Variants in GPATCH8 observed in about 807,000 individuals in gnomAD.
The protein encoded by GPATCH8 is G patch domain-containing protein 8.
A neutral mutation model predicts 118.3 loss-of-function variants in GPATCH8; 18 were observed. The observed-to-expected ratio is 0.15, with a 90% CI of 0.11 to 0.23. The LOEUF is 0.23. Among genes scored for constraint, GPATCH8 ranks in the 10% least tolerant of loss-of-function variants. The probability of loss-of-function intolerance (pLI) is 1.00; values close to 1 mark genes in which losing one functional copy is unlikely to be tolerated. For missense variants in GPATCH8, 1,631 were observed against 1,873.8 expected, an observed-to-expected ratio of 0.87 and a Z score of 2.39; for synonymous variants, 659 against 684.7, an observed-to-expected ratio of 0.96 and a Z score of 0.59.
intron 4 of GPATCH8, among the ~76,000 whole-genome samples, chr17:44,435,929 G>C (rs1273266951): frequency 1.3e-5 from 2 of 149,364 alleles, no homozygotes; most frequent in Non-Finnish European, 3.0e-5. Flanking sequence ...GGCTGAGACA[G>C]GAGACAGGAG....
chr17:44,396,595 C>G lies in GPATCH8; in HGVS notation c.*973G>C, dbSNP rs374419419. On this transcript the variant is annotated 3_prime_UTR_variant, in exon 8 of 8. Transcript: ENST00000591680. ...TTTATTTTTTGTTTTCATTTTATAA[C>G]CTTTAGAGTTTCTTAATTCAACTAG... 12 of 441,958 alleles carry G rather than the reference C, an allele frequency of 2.7e-5. No homozygotes were observed. The East Asian group carries it at 4.2e-4, about 15-fold the overall frequency. 27.4% of individuals were successfully genotyped at this position (441,958 alleles called of 1,614,324 possible).
chr17:44,491,018 C>T (rs758444744), intron 1 of GPATCH8, among the ~76,000 whole-genome samples: 1 of 152,140 alleles, frequency 6.6e-6, no homozygotes, highest in Non-Finnish European at 1.5e-5. Context: ...CAGCTGTATC[C>T]TTTATGTGAT....
At position 44,429,478 on chromosome 17, in the gene GPATCH8, T is replaced by C. The variant is rs79252478; in HGVS notation, c.349-4986A>G. Among the ~76,000 whole-genome samples, 1,700 of 152,200 alleles carry C rather than the reference T, an allele frequency of 0.011. 86 individuals carry two copies. In the East Asian group the frequency reaches 0.16, roughly 14 times the overall value. ...GGAGAAAATCTTGTGTGTATATATA[T>C]ATACAAGAAAACTGATTCCACTTAT... On this transcript the variant is annotated intron_variant, in intron 5 of 7. Coordinates refer to ENST00000591680, the MANE Select transcript of GPATCH8 (RefSeq NM_001002909.4).
intron 1 of GPATCH8, among the ~76,000 whole-genome samples, chr17:44,479,134 A>C (rs550184036): frequency 6.6e-6 from 1 of 152,256 alleles, no homozygotes; most frequent in Non-Finnish European, 1.5e-5. Context: ...ACTACCAAGT[A>C]AGTCTACAAA....
intron 3 of GPATCH8, among the ~76,000 whole-genome samples, chr17:44,441,461 T>C (rs1284472380): frequency 6.6e-6 from 1 of 151,992 alleles, no homozygotes; most frequent in African/African-American, 2.4e-5. Flanking sequence ...TGGTGGCTCA[T>C]GCCTGTAATC....
intron 1 of GPATCH8, among the ~76,000 whole-genome samples, chr17:44,490,548 T>A (rs1394195290): frequency 1.3e-5 from 2 of 152,076 alleles, no homozygotes; most frequent in African/African-American, 4.8e-5. Flanking sequence ...AATCAACACT[T>A]CCTTTCTGAA....
At chr17:44,459,656 T>G (rs1037492755) in intron 3 of GPATCH8, among the ~76,000 whole-genome samples, 6 of 152,066 alleles carry the variant, frequency 3.9e-5, no homozygotes, top group Non-Finnish European at 5.9e-5. Context: ...ATACTTAATT[T>G]AAGTATGAAA....
At position 44,397,663 on chromosome 17, in the gene GPATCH8, C is replaced by A; in HGVS notation, c.4414G>T (p.Ala1472Ser). 2 of 1,613,106 alleles carry A rather than the reference C, an allele frequency of 1.2e-6. No individual in the cohort carries two copies. Among genetic ancestry groups the A allele is most frequent in the South Asian group, 1.1e-5 (1 of 91,018 alleles). Residue 1472 changes from alanine (A) to serine (S), a missense_variant, in exon 8 of 8, where the codon GCT becomes TCT. Transcript: ENST00000591680. ...TGAAGTGCAGTGGCAGCTGCTGCAG[C>A]AGGCCGTGGAGCAAGTAGGGTGGGG... ...LYPTLLAPRP[A>S]AAAATALHLH...
rs1337383957 is a variant in GPATCH8, at chr17:44,396,012, T to A, written c.*1556A>T. 1 of 454,522 alleles carries A rather than the reference T, an allele frequency of 2.2e-6. No homozygotes were observed. The highest frequency in any genetic ancestry group is 4.4e-6 in the Non-Finnish European group (1 of 226,784). The allele number at this position is 454,522 out of a possible 1,614,324, so 28.2% of individuals were successfully genotyped here. A position where few individuals can be genotyped will look rare whatever the true frequency, so the allele number is the denominator to read the frequency against. ...AACAAGGAACGTTTACTGTCTAAAC[T>A]GAGCTGGGCAGAGGGCATGGAAACT... is the stretch of plus-strand genomic sequence containing the variant. On this transcript the variant is annotated 3_prime_UTR_variant, in exon 8 of 8. Coordinates refer to ENST00000591680, the MANE Select transcript of GPATCH8 (RefSeq NM_001002909.4).
At chr17:44,457,915 A>C (rs2051395874) in intron 3 of GPATCH8, among the ~76,000 whole-genome samples, 1 of 151,942 alleles carries the variant, frequency 6.6e-6, no homozygotes, top group Admixed American at 6.6e-5. Context: ...CCCCGTCTCT[A>C]CTAAAAAAAA....
intron 3 of GPATCH8, among the ~76,000 whole-genome samples, chr17:44,449,328 C>G (rs191207219): frequency 2.6e-4 from 40 of 152,166 alleles, no homozygotes; most frequent in Non-Finnish European, 4.4e-4. Flanking sequence ...TACCCCAGAC[C>G]TGCTGATTTA....
intron 1 of GPATCH8, among the ~76,000 whole-genome samples, chr17:44,494,409 T>C (rs139138030): frequency 8.7e-4 from 132 of 152,192 alleles, no homozygotes; most frequent in Middle Eastern, 3.4e-3. Context: ...CTGGCCAACA[T>C]AGTGAAACCC....
intron 6 of GPATCH8, among the ~76,000 whole-genome samples, chr17:44,422,198 T>C (rs1471209368): frequency 6.6e-6 from 1 of 152,192 alleles, no homozygotes; most frequent in Non-Finnish European, 1.5e-5. Flanking sequence ...TTTTGTTTTT[T>C]TGAGACAAGG....
intron 7 of GPATCH8, among the ~76,000 whole-genome samples, chr17:44,404,957 T>G (rs893970647): frequency 6.6e-6 from 1 of 152,146 alleles, no homozygotes; most frequent in African/African-American, 2.4e-5. Context: ...TACAGCTAAC[T>G]AGGAAGAGTA....
intron 3 of GPATCH8, among the ~76,000 whole-genome samples, chr17:44,456,418 A>C (rs764720389): frequency 1.3e-5 from 2 of 152,240 alleles, no homozygotes; most frequent in Non-Finnish European, 2.9e-5. Context: ...ACCAGGCCAG[A>C]AGTGAGTGCA....
intron 1 of GPATCH8, among the ~76,000 whole-genome samples, chr17:44,488,213 G>GT (rs1388947799): frequency 7.7e-6 from 1 of 129,190 alleles, no homozygotes; most frequent in Non-Finnish European, 1.6e-5. Flanking sequence ...ATGAGCCACC[G>GT]TGCCTGACCC....
rs1292258866 is a variant in GPATCH8 at position 44,468,024 on chromosome 17, CG to C, written c.121-3481del. ...CAGGATTTTTTTTTTTTTTTTGAGA[CG>C]GAGTCTCACTCTGTAGCTCAGGCTG... On this transcript the variant is annotated intron_variant, in intron 2 of 7. Transcript: ENST00000591680. Among the ~76,000 whole-genome samples, 3 of 147,292 alleles carry C rather than the reference CG, an allele frequency of 2.0e-5. No homozygotes were observed. The Admixed American group carries it at 2.0e-4, about 10-fold the overall frequency.
At chr17:44,483,214 T>TATAC (rs1555646874) in intron 1 of GPATCH8, among the ~76,000 whole-genome samples, 1 of 87,206 alleles carries the variant, frequency 1.1e-5, no homozygotes, top group African/African-American at 4.4e-5. Flanking sequence ...TATATATATA[T>TATAC]ATACAGCCTA....
intron 5 of GPATCH8, among the ~76,000 whole-genome samples, chr17:44,428,717 C>T (rs531453117): frequency 1.5e-3 from 223 of 149,592 alleles, no homozygotes; most frequent in African/African-American, 5.3e-3. Flanking sequence ...GTGGGAGGAT[C>T]GCTTGAGTCC....
Sources: gnomAD v4.1 joint callset for allele counts (sites outside exome capture counted in the v4.1 genomes callset) on GRCh38, gnomAD v4.1.1 for gene constraint, MANE v1.5 for transcripts, NCBI Gene and HGNC (gene_info 2026-07-23, HGNC 2026-07-21) for gene names.